Variants in ST7L observed in about 807,000 individuals in gnomAD.
ST7L encodes suppression of tumorigenicity 7 like, also known as suppressor of tumorigenicity 7 protein-like.
In ST7L, 57 loss-of-function variants were observed where a neutral mutation model predicts 72.5. The observed-to-expected ratio is 0.79, with a 90% CI of 0.64 to 0.98. The LOEUF (loss-of-function observed/expected upper bound fraction) is 0.98. Among genes scored for constraint, ST7L ranks in the 50% least tolerant of loss-of-function variants. The probability of loss-of-function intolerance (pLI) is 0.00; values close to 1 mark genes in which losing one functional copy is unlikely to be tolerated. For synonymous variants in ST7L, 221 were observed against 240.9 expected (o/e 0.92, Z 0.77); for missense variants, 576 against 672.2 (o/e 0.86, Z 1.58).
At chr1:112,583,756 C>T (rs1664461641) in intron 7 of ST7L, among the ~76,000 whole-genome samples, 1 of 152,238 alleles carries the variant, frequency 6.6e-6, no homozygotes, top group African/African-American at 2.4e-5. Context: ...CATCTTCTCT[C>T]AATAACCTGA....
chr1:112,533,773 C>T (rs116283007), intron 14 of ST7L, among the ~76,000 whole-genome samples: 3,070 of 152,084 alleles, frequency 0.02, 104 homozygotes, highest in African/African-American at 0.069. Flanking sequence ...CTCCTGTCTC[C>T]GCCTTCTAAG....
intron 14 of ST7L, chr1:112,526,362 A>T (rs1653391633): frequency 2.5e-6 from 1 of 401,778 alleles, no homozygotes; most frequent in South Asian, 5.6e-5. Context: ...AACATTAAAA[A>T]TTTTATCTAG....
intron 11 of ST7L, among the ~76,000 whole-genome samples, chr1:112,562,614 A>C (rs1364822443): frequency 1.3e-5 from 2 of 152,222 alleles, no homozygotes; most frequent in Admixed American, 6.5e-5. Context: ...AATGGCGGTG[A>C]GGTATGATGA....
chr1:112,590,323 T>A (rs1665503001), intron 6 of ST7L, among the ~76,000 whole-genome samples: 1 of 152,208 alleles, frequency 6.6e-6, no homozygotes, highest in South Asian at 2.1e-4. Flanking sequence ...GGGGCCAGGA[T>A]AAATAAAGCA....
chr1:112,617,713 T>A (rs1278713415), intron 1 of ST7L, among the ~76,000 whole-genome samples: 3 of 93,352 alleles, frequency 3.2e-5, no homozygotes, highest in African/African-American at 7.9e-5. Flanking sequence ...TGTCTTTCTC[T>A]CTCTCACACA....
chr1:112,557,994 A>G (rs1659478792), intron 11 of ST7L, among the ~76,000 whole-genome samples: 1 of 152,230 alleles, frequency 6.6e-6, no homozygotes, highest in Admixed American at 6.5e-5. Flanking sequence ...TACTTGTTAT[A>G]TGTAGAAAGA....
chr1:112,567,363 G>A (rs1286662815), intron 11 of ST7L, among the ~76,000 whole-genome samples: 2 of 151,864 alleles, frequency 1.3e-5, no homozygotes, highest in African/African-American at 2.4e-5. Context: ...TTTTGGATAC[G>A]AGTCCTTTGT....
chr1:112,588,208 C>T (rs1330182519), intron 6 of ST7L, among the ~76,000 whole-genome samples: 1 of 152,174 alleles, frequency 6.6e-6, no homozygotes, highest in East Asian at 1.9e-4. Context: ...TTAAGACTTT[C>T]TACAAATAAG....
intron 14 of ST7L, chr1:112,529,732 C>A (rs1016298605): frequency 2.0e-5 from 3 of 146,686 alleles, no homozygotes; most frequent in African/African-American, 7.6e-5. Flanking sequence ...ACTCTCAATG[C>A]CATCCAAAAG....
intron 13 of ST7L, among the ~76,000 whole-genome samples, chr1:112,546,736 T>C (rs1657147261): frequency 6.6e-6 from 1 of 152,166 alleles, no homozygotes; most frequent in South Asian, 2.1e-4. Context: ...TCCAACAAAT[T>C]ACTATTTATA....
chr1:112,599,072 AAATATAT>A (rs1666943842), intron 4 of ST7L, among the ~76,000 whole-genome samples: 1 of 57,294 alleles, frequency 1.7e-5, no homozygotes, highest in African/African-American at 7.7e-5. Flanking sequence ...AAAAAAAAAA[AAATATAT>A]ATATATATAT....
upstream of ST7L, chr1:112,619,146 G>C (rs142447364): frequency 6.2e-7 from 1 of 1,604,972 alleles, no homozygotes; most frequent in Non-Finnish European, 8.5e-7. Context: ...GGAGCTGGGA[G>C]GGGAGAAGGA....
At chr1:112,542,760 T>C (rs949686154) in intron 13 of ST7L, among the ~76,000 whole-genome samples, 1 of 146,504 alleles carries the variant, frequency 6.8e-6, no homozygotes, top group African/African-American at 2.6e-5. Context: ...AATAAATAAA[T>C]AAATAAATAA....
In ST7L at chr1:112,561,378, C is replaced by CAAA. The variant is rs33953697; in HGVS notation, c.1246-5363_1246-5361dup. Reference sequence around the variant, plus strand: ...CCTCAGAAGTTTGAGCTCCCTGCCTCAAAAAAAAAAAAAAAAAAAGACAAT... The same window carrying CAAA: ...CCTCAGAAGTTTGAGCTCCCTGCCTCAAAAAAAAAAAAAAAAAAAAAAGACAAT... On this transcript the variant is annotated intron_variant, in intron 11 of 14. Transcript: ENST00000358039. 2.8e-3 allele frequency among the ~76,000 whole-genome samples: 254 copies of CAAA among 90,530 alleles called. 4 individuals are homozygous for CAAA. The highest frequency in any genetic ancestry group is 5.4e-3 in the African/African-American group (147 of 27,030). 59.4% of individuals were successfully genotyped at this position (90,530 alleles called of 152,430 possible). A position where few individuals can be genotyped will look rare whatever the true frequency, so the allele number is the denominator to read the frequency against.
Position 112,584,105 on chromosome 1 carries a change from T to G in ST7L, c.723A>C (p.Leu241=), listed in dbSNP as rs765983223. The change falls in exon 7 of 15, where the codon CTA becomes CTC. Residue 241 remains leucine, a synonymous_variant. Transcript: ENST00000358039. ...TAGTTGTTGCTTCTTCCTCAGCCAG[T>G]AGAACATATGCAGTGGCACAGCTAT... ...LNNDCATAYV[L]LAEEEATTIV... is the part of the protein sequence containing the mutation. The G allele has an allele frequency of 1.9e-6, 3 of 1,613,914 alleles. No homozygotes were observed. The highest frequency in any genetic ancestry group is 2.5e-6 in the Non-Finnish European group (3 of 1,179,988).
At chr1:112,617,884 C>A in intron 1 of ST7L, 2 of 700,954 alleles carry the variant, frequency 2.9e-6, no homozygotes, top group South Asian at 1.8e-5. Flanking sequence ...TTAAGCACTT[C>A]ATTCACCTGT....
At position 112,537,058 on chromosome 1, in the gene ST7L, C is replaced by T. The variant is rs547915941; in HGVS notation, c.1629+4893G>A. Among the ~76,000 whole-genome samples, 63 of 151,938 alleles carry T rather than the reference C, an allele frequency of 4.1e-4. No individual in the cohort carries two copies. In the South Asian group the frequency reaches 7.9e-3, roughly 19 times the overall value. ...TTACCCAGGCTGGAGTGCAGCGACGCGATCTCGGCTCACTGCAACTTCCGC... is the reference window on the plus strand; with the variant it reads ...TTACCCAGGCTGGAGTGCAGCGACGTGATCTCGGCTCACTGCAACTTCCGC... On this transcript the variant is annotated intron_variant, in intron 14 of 14. Transcript: ENST00000358039.
chr1:112,614,388 C>T (rs1669536170), intron 2 of ST7L, among the ~76,000 whole-genome samples: 1 of 152,154 alleles, frequency 6.6e-6, no homozygotes, highest in Non-Finnish European at 1.5e-5. Context: ...GGCTTAAAGA[C>T]AGTTTATCGT....
intron 5 of ST7L, among the ~76,000 whole-genome samples, chr1:112,597,694 G>A (rs116717350): frequency 1.8e-4 from 28 of 152,210 alleles, no homozygotes; most frequent in Non-Finnish European, 2.9e-4. Context: ...AGACAGAAAT[G>A]GGGTACACTG....
Sources: gnomAD v4.1 joint callset for allele counts (sites outside exome capture counted in the v4.1 genomes callset) on GRCh38, gnomAD v4.1.1 for gene constraint, MANE v1.5 for transcripts, NCBI Gene and HGNC (gene_info 2026-07-23, HGNC 2026-07-21) for gene names.